The following ZSWIM5 variants were observed in gnomAD, a reference collection of about 807,000 sequenced individuals.
The protein encoded by ZSWIM5 is zinc finger SWIM domain-containing protein 5.
A neutral mutation model predicts 119.6 loss-of-function variants in ZSWIM5; 55 were observed. That is an observed-to-expected ratio of 0.46 (90% CI 0.37 to 0.58). The LOEUF is 0.58. ZSWIM5 is among the 20% of genes least tolerant of loss of function. The probability of loss-of-function intolerance (pLI) is 0.00; values close to 1 mark genes in which losing one functional copy is unlikely to be tolerated. For missense variants in ZSWIM5, 1,193 were observed against 1,512.8 expected (o/e 0.79, Z 3.51); for synonymous variants, 537 against 606.9 (o/e 0.88, Z 1.69).
intron 1 of ZSWIM5, among the ~76,000 whole-genome samples, chr1:45,095,887 A>G (rs961713172): frequency 1.7e-4 from 26 of 152,300 alleles, no homozygotes; most frequent in African/African-American, 5.8e-4. Context: ...CTGTAAAATA[A>G]AGAAAAAAAA....
intron 2 of ZSWIM5, among the ~76,000 whole-genome samples, chr1:45,084,581 G>T (rs1645313696): frequency 6.6e-6 from 1 of 152,216 alleles, no homozygotes; most frequent in South Asian, 2.1e-4. Flanking sequence ...AGATACAATG[G>T]AAGTATAGGC....
intron 2 of ZSWIM5, among the ~76,000 whole-genome samples, chr1:45,086,859 G>T (rs556390717): frequency 6.2e-4 from 94 of 151,556 alleles, no homozygotes; most frequent in Middle Eastern, 6.8e-3. Context: ...ATGAAAACTG[G>T]CTTATTAACT....
chr1:45,084,917 C>A (rs570218541), intron 2 of ZSWIM5, among the ~76,000 whole-genome samples: 1 of 152,354 alleles, frequency 6.6e-6, no homozygotes, highest in South Asian at 2.1e-4. Flanking sequence ...TAGCCCCCTT[C>A]TCAGCTCCAG....
At chr1:45,123,797 G>A (rs1386224019) in intron 1 of ZSWIM5, among the ~76,000 whole-genome samples, 1 of 152,118 alleles carries the variant, frequency 6.6e-6, no homozygotes, top group Non-Finnish European at 1.5e-5. Context: ...AGAAATCCAC[G>A]TCAAGATACA....
At position 45,018,954 on chromosome 1, in the gene ZSWIM5, C is replaced by T; in HGVS notation, c.3058G>A (p.Ala1020Thr). 6.2e-7 allele frequency: 1 copy of T among 1,614,186 alleles called. No homozygotes were observed. The highest frequency in any genetic ancestry group is 8.5e-7 in the Non-Finnish European group (1 of 1,180,042). Reference sequence around the variant, plus strand: ...TTAAGATGGCTCATGGCCAATGAGGCCAGCTTGAAGGCACGTAGCGGGTAG... The same window carrying T: ...TTAAGATGGCTCATGGCCAATGAGGTCAGCTTGAAGGCACGTAGCGGGTAG... Reference protein sequence around the residue: ...RGYPLRAFKLASLAMSHLNLA... With the variant: ...RGYPLRAFKLTSLAMSHLNLA... Residue 1020 changes from alanine to threonine, a missense_variant, in exon 14 of 14, where the codon GCC becomes ACC. Transcript: ENST00000359600. The surrounding 1 kb of genome is among the most constrained non-coding windows in gnomAD (Gnocchi z 6.7).
At position 45,088,975 on chromosome 1, in the gene ZSWIM5, TTA is replaced by T. The variant is rs1645347901; in HGVS notation, c.596-740_596-739del. Among the ~76,000 whole-genome samples the T allele has an allele frequency of 6.6e-6, 1 of 152,198 alleles. No individual in the cohort carries two copies. The highest frequency in any genetic ancestry group is 2.4e-5 in the African/African-American group (1 of 41,432). On this transcript the variant is annotated intron_variant, in intron 1 of 13. Coordinates refer to ENST00000359600, the MANE Select transcript of ZSWIM5 (RefSeq NM_020883.2). The surrounding 1 kb of genome is among the most constrained non-coding windows in gnomAD (Gnocchi z 4.2). ...TATTAATTATGCTTTATTATTATTTTTATCTCTGGGGTCTTGCTCTGCCACCG... is the reference window on the plus strand; with the variant it reads ...TATTAATTATGCTTTATTATTATTTTTCTCTGGGGTCTTGCTCTGCCACCG...
intron 1 of ZSWIM5, among the ~76,000 whole-genome samples, chr1:45,101,929 T>C (rs965034501): frequency 1.3e-5 from 2 of 151,852 alleles, no homozygotes; most frequent in Non-Finnish European, 2.9e-5. Flanking sequence ...TTAGCAGAAA[T>C]ACCTAATGTA....
chr1:45,177,175 T>C (rs983871609), intron 1 of ZSWIM5, among the ~76,000 whole-genome samples: 3 of 151,780 alleles, frequency 2.0e-5, no homozygotes, highest in Non-Finnish European at 2.9e-5. Flanking sequence ...CTAAAACGTA[T>C]GCAGAAAATA....
chr1:45,082,277 G>A (rs1183446056), intron 2 of ZSWIM5, among the ~76,000 whole-genome samples: 1 of 145,790 alleles, frequency 6.9e-6, no homozygotes, highest in East Asian at 2.0e-4. Context: ...ATTGTCCTAT[G>A]ACCCTGCCAA....
At chr1:45,098,143 A>G (rs1447526650) in intron 1 of ZSWIM5, among the ~76,000 whole-genome samples, 2 of 152,210 alleles carry the variant, frequency 1.3e-5, no homozygotes. Flanking sequence ...GTGCTGAGTC[A>G]TAGAGGATCA....
intron 1 of ZSWIM5, among the ~76,000 whole-genome samples, chr1:45,178,332 G>A (rs540487758): frequency 6.6e-6 from 1 of 152,252 alleles, no homozygotes; most frequent in East Asian, 1.9e-4. Flanking sequence ...ACTGAGGCTG[G>A]AGAGTCGCTT....
At chr1:45,198,876 G>A (rs1474796113) in intron 1 of ZSWIM5, among the ~76,000 whole-genome samples, 2 of 152,166 alleles carry the variant, frequency 1.3e-5, no homozygotes, top group African/African-American at 2.4e-5. Context: ...GAGAAATAAA[G>A]TTTATACTTT....
intron 1 of ZSWIM5, among the ~76,000 whole-genome samples, chr1:45,173,332 T>C (rs1645957376): frequency 6.6e-6 from 1 of 152,190 alleles, no homozygotes; most frequent in South Asian, 2.1e-4. Context: ...TTTAAGTCTG[T>C]ACATTAAAAG....
intron 11 of ZSWIM5, among the ~76,000 whole-genome samples, chr1:45,023,302 C>A (rs1644899249): frequency 6.6e-6 from 1 of 152,136 alleles, no homozygotes; most frequent in African/African-American, 2.4e-5. Context: ...CATAGTTTTG[C>A]CTTTTCCAGC....
In ZSWIM5 at chr1:45,153,606, A is replaced by C. The variant is rs1206787341; in HGVS notation, c.595+52150T>G. ...ATAAATCATTCCACCAAAAACACACATGCACTCATATGTTTACTGCAGCAC... is the reference window on the plus strand; with the variant it reads ...ATAAATCATTCCACCAAAAACACACCTGCACTCATATGTTTACTGCAGCAC... On this transcript the variant is annotated intron_variant, in intron 1 of 13. Coordinates refer to ENST00000359600, the MANE Select transcript of ZSWIM5 (RefSeq NM_020883.2). Among the ~76,000 whole-genome samples the C allele has an allele frequency of 1.3e-5, 2 of 152,092 alleles. 1 individual carries two copies.
intron 1 of ZSWIM5, among the ~76,000 whole-genome samples, chr1:45,198,983 G>A (rs1236121504): frequency 6.6e-6 from 1 of 152,150 alleles, no homozygotes; most frequent in East Asian, 1.9e-4. Context: ...TAGGATTGCT[G>A]AATCTTTTGC....
intron 1 of ZSWIM5, among the ~76,000 whole-genome samples, chr1:45,119,478 A>G (rs1026134135): frequency 2.0e-5 from 3 of 152,206 alleles, no homozygotes; most frequent in Admixed American, 2.0e-4. Context: ...TTCTTTAAAG[A>G]TACCTAAGAT....
chr1:45,180,214 C>A (rs1329744387), intron 1 of ZSWIM5, among the ~76,000 whole-genome samples: 1 of 152,126 alleles, frequency 6.6e-6, no homozygotes, highest in African/African-American at 2.4e-5. Flanking sequence ...CCTGGAAAAT[C>A]GGGCCACTCC....
chr1:45,026,491 G>T (rs955279139), intron 11 of ZSWIM5, among the ~76,000 whole-genome samples: 6 of 151,890 alleles, frequency 4.0e-5, no homozygotes, highest in African/African-American at 1.5e-4. Context: ...TTTGCCTGTG[G>T]AAAGAATAAA....
Sources: allele counts gnomAD v4.1 joint callset (sites outside exome capture counted in the v4.1 genomes callset), GRCh38; gene constraint gnomAD v4.1.1; non-coding constraint Gnocchi (gnomAD v3.1); transcripts MANE v1.5; gene names NCBI Gene and HGNC (gene_info 2026-07-23, HGNC 2026-07-21).